Variants in OPCML observed in about 807,000 individuals in gnomAD.
The protein encoded by OPCML is opioid binding protein/cell adhesion molecule like.
In OPCML, 13 loss-of-function variants were observed where a neutral mutation model predicts 37.8. That is an observed-to-expected ratio of 0.34 (90% CI 0.22 to 0.55). The LOEUF is 0.55. Among genes scored for constraint, OPCML ranks in the 20% least tolerant of loss-of-function variants. The pLI, the probability that OPCML is intolerant of heterozygous loss-of-function variation, is 0.91. For synonymous variants in OPCML, 176 were observed against 168.8 expected (o/e 1.04, Z -0.33); for missense variants, 341 against 435.6 (o/e 0.78, Z 1.93).
intron 1 of OPCML, among the ~76,000 whole-genome samples, chr11:133,442,726 CGTGTGTGTGTGTGTGTGTGTGT>C (rs371441649): frequency 7.1e-6 from 1 of 141,350 alleles, no homozygotes; most frequent in Non-Finnish European, 1.5e-5. Flanking sequence ...CATATTTAAA[CGTGTGTGTGTGTGTGTGTGTGT>C]GTGTGTGTGT....
intron 2 of OPCML, among the ~76,000 whole-genome samples, chr11:132,899,287 T>C (rs1943963537): frequency 1.3e-5 from 2 of 152,204 alleles, no homozygotes; most frequent in South Asian, 4.1e-4. Flanking sequence ...AGGATATGTT[T>C]TGGTGTACAT....
chr11:133,051,642 A>C (rs1948133841), intron 1 of OPCML, among the ~76,000 whole-genome samples: 1 of 152,190 alleles, frequency 6.6e-6, no homozygotes, highest in Non-Finnish European at 1.5e-5. Context: ...AGAAGGCATC[A>C]TGTCGACATA....
At chr11:132,710,078 GGT>G (rs1307708563) in intron 2 of OPCML, among the ~76,000 whole-genome samples, 1 of 152,130 alleles carries the variant, frequency 6.6e-6, no homozygotes, top group Non-Finnish European at 1.5e-5. Context: ...ACATCGTAGT[GGT>G]TCTCCAACTC....
chr11:132,570,220 T>A (rs2096434122), intron 3 of OPCML, among the ~76,000 whole-genome samples: 1 of 152,224 alleles, frequency 6.6e-6, no homozygotes, highest in Non-Finnish European at 1.5e-5. Context: ...ATTTTACAAT[T>A]GTTTCTGGCT....
chr11:133,469,890 T>G (rs1233055837), intron 1 of OPCML, among the ~76,000 whole-genome samples: 1 of 152,230 alleles, frequency 6.6e-6, no homozygotes, highest in East Asian at 1.9e-4. Context: ...GCTTTCAAAT[T>G]TGAAACTTTT....
At chr11:132,570,310 G>T (rs186543542) in intron 3 of OPCML, among the ~76,000 whole-genome samples, 1 of 152,026 alleles carries the variant, frequency 6.6e-6, no homozygotes, top group Non-Finnish European at 1.5e-5. Context: ...TTTTCGTTTG[G>T]CCCTTTACAG....
intron 2 of OPCML, among the ~76,000 whole-genome samples, chr11:132,908,204 A>C (rs1944308157): frequency 6.6e-6 from 1 of 152,212 alleles, no homozygotes; most frequent in African/African-American, 2.4e-5. Context: ...AGGAAGACTG[A>C]CAGGAGCATG....
At chr11:132,514,366 G>T (rs1049642775) in intron 4 of OPCML, among the ~76,000 whole-genome samples, 1 of 152,186 alleles carries the variant, frequency 6.6e-6, no homozygotes, top group Non-Finnish European at 1.5e-5. Flanking sequence ...AGGCCAGTGC[G>T]ACAGAGCTTG....
At chr11:132,527,410 T>C (rs2096311369) in intron 4 of OPCML, among the ~76,000 whole-genome samples, 1 of 152,216 alleles carries the variant, frequency 6.6e-6, no homozygotes, top group South Asian at 2.1e-4. Context: ...TCAGCCTTTA[T>C]AATTTTAGTC....
chr11:133,525,958 G>C (rs1383237915), intron 1 of OPCML, among the ~76,000 whole-genome samples: 3 of 152,200 alleles, frequency 2.0e-5, no homozygotes, highest in Non-Finnish European at 4.4e-5. Context: ...GCATCATAAT[G>C]ATAATCCTTT....
chr11:132,666,156 C>A (rs1414579546), intron 2 of OPCML, among the ~76,000 whole-genome samples: 1 of 152,118 alleles, frequency 6.6e-6, no homozygotes, highest in Non-Finnish European at 1.5e-5. Context: ...TACCATAAGG[C>A]TGGTAATTTA....
chr11:133,082,720 G>C (rs1445285920), intron 1 of OPCML, among the ~76,000 whole-genome samples: 3 of 142,028 alleles, frequency 2.1e-5, no homozygotes, highest in Admixed American at 6.9e-5. Context: ...GGCCCCTCTG[G>C]AGACCGCTTC....
intron 2 of OPCML, among the ~76,000 whole-genome samples, chr11:132,697,647 A>G (rs1943646010): frequency 6.6e-6 from 1 of 152,196 alleles, no homozygotes; most frequent in Non-Finnish European, 1.5e-5. Context: ...TTTATATAGA[A>G]CACGTTCTTT....
intron 1 of OPCML, among the ~76,000 whole-genome samples, chr11:132,960,415 C>A (rs2136719554): frequency 6.6e-6 from 1 of 152,274 alleles, no homozygotes; most frequent in African/African-American, 2.4e-5. Context: ...GTGGTGGAAG[C>A]AGGAGGTTGG....
chr11:133,224,104 G>T (rs183953380), intron 1 of OPCML, among the ~76,000 whole-genome samples: 177 of 152,242 alleles, frequency 1.2e-3, no homozygotes, highest in African/African-American at 4.1e-3. Flanking sequence ...AACAGGAGAA[G>T]GTCCAATGCT....
chr11:132,913,442 G>A (rs767114303), intron 2 of OPCML, among the ~76,000 whole-genome samples: 7 of 152,056 alleles, frequency 4.6e-5, no homozygotes, highest in East Asian at 1.9e-4. Context: ...ATGAGTCATC[G>A]GGAAACAAAA....
chr11:132,817,448 T>G (rs563915456), intron 2 of OPCML, among the ~76,000 whole-genome samples: 1 of 152,264 alleles, frequency 6.6e-6, no homozygotes, highest in East Asian at 1.9e-4. Context: ...ACCACAGGTG[T>G]TTTCATGGCT....
At chr11:132,617,800 C>T (rs573650432) in intron 3 of OPCML, among the ~76,000 whole-genome samples, 53 of 152,324 alleles carry the variant, frequency 3.5e-4, no homozygotes, top group Middle Eastern at 3.4e-3. Flanking sequence ...GACATCATTC[C>T]TCTTCTCATA....
At chr11:133,183,772 T>C (rs145461874) in intron 1 of OPCML, among the ~76,000 whole-genome samples, 15 of 152,310 alleles carry the variant, frequency 9.8e-5, no homozygotes, top group African/African-American at 2.4e-4. Flanking sequence ...AAAGACAGTA[T>C]GGTTTAGTGC....
Sources: allele counts gnomAD v4.1 joint callset (sites outside exome capture counted in the v4.1 genomes callset), GRCh38; gene constraint gnomAD v4.1.1; transcripts MANE v1.5; gene names NCBI Gene and HGNC (gene_info 2026-07-23, HGNC 2026-07-21).